CACNA1E: variants seen among roughly 807,000 people sequenced by gnomAD.
The protein encoded by CACNA1E is calcium voltage-gated channel subunit alpha1 E.
Under a neutral mutation model 259.2 loss-of-function variants are expected in CACNA1E, and 40 were observed. The ratio of observed to expected loss-of-function variants is 0.15; its 90% confidence interval spans 0.12 to 0.20. The LOEUF (loss-of-function observed/expected upper bound fraction) is 0.20, where lower values mean the gene tolerates loss of function less well. CACNA1E is among the 10% of genes least tolerant of loss of function. The pLI is 1.00. For synonymous variants in CACNA1E, 1,104 were observed against 1,138.5 expected (o/e 0.97, Z 0.61); for missense variants, 1,874 against 3,040.1 (o/e 0.62, Z 9.02).
At position 181,542,184 on chromosome 1, in the gene CACNA1E, C is replaced by T. The variant is rs61814469; in HGVS notation, c.512+30674C>T. Among the ~76,000 whole-genome samples, 337 of 152,322 alleles carry T rather than the reference C, an allele frequency of 2.2e-3. 1 individual carries two copies. The highest frequency in any genetic ancestry group is 3.9e-3 in the Non-Finnish European group (268 of 68,032). ...ACCCCAGCTGACAGCTTGACTCCAA[C>T]TGTGGTTGGTTTCTTGACTGCAACC... On this transcript the variant is annotated intron_variant, in intron 3 of 47. Transcript: ENST00000367573.
intron 38 of CACNA1E, among the ~76,000 whole-genome samples, chr1:181,777,624 G>C (rs1454747135): frequency 6.6e-6 from 1 of 152,194 alleles, no homozygotes; most frequent in East Asian, 1.9e-4. Flanking sequence ...CGTGTCTTCA[G>C]CTCCATGGCC....
chr1:181,643,820 T>A (rs1377251619), intron 6 of CACNA1E, among the ~76,000 whole-genome samples: 1 of 152,204 alleles, frequency 6.6e-6, no homozygotes. Context: ...GGTGGCTGCA[T>A]CAAGTCCAGA....
chr1:181,445,336 A>G (rs1441980173), intron 2 of CACNA1E, among the ~76,000 whole-genome samples: 1 of 152,246 alleles, frequency 6.6e-6, no homozygotes, highest in Non-Finnish European at 1.5e-5. Flanking sequence ...AGTCAACACT[A>G]TTCCTGAGTG....
At chr1:181,455,549 C>T (rs1374953937) in intron 2 of CACNA1E, among the ~76,000 whole-genome samples, 1 of 152,188 alleles carries the variant, frequency 6.6e-6, no homozygotes, top group Non-Finnish European at 1.5e-5. Context: ...AAAAACTGAT[C>T]TTTGGCTCCT....
At chr1:181,597,181 A>G (rs1653264270) in intron 6 of CACNA1E, among the ~76,000 whole-genome samples, 2 of 152,130 alleles carry the variant, frequency 1.3e-5, no homozygotes, top group African/African-American at 4.8e-5. Flanking sequence ...AATCTCTTTT[A>G]TGAGACCCAC....
chr1:181,577,901 A>G, intron 4 of CACNA1E, 32 bp downstream of exon 4: 1 of 1,439,410 alleles, frequency 6.9e-7, no homozygotes, highest in Non-Finnish European at 9.7e-7. Flanking sequence ...TGCTCTGCTA[A>G]GAACTTTCTT....
chr1:181,539,554 C>T (rs1461230855), intron 3 of CACNA1E, among the ~76,000 whole-genome samples: 1 of 152,120 alleles, frequency 6.6e-6, no homozygotes, highest in Non-Finnish European at 1.5e-5. Context: ...ATATTATTCC[C>T]GGTCTGCTTA....
chr1:181,345,852 A>G (rs1242519101), intron 1 of CACNA1E, among the ~76,000 whole-genome samples: 1 of 152,174 alleles, frequency 6.6e-6, no homozygotes, highest in East Asian at 1.9e-4. Context: ...CTCCAGGATC[A>G]CTGAGTACTG....
chr1:181,745,077 C>T (rs1453330388), intron 25 of CACNA1E, among the ~76,000 whole-genome samples: 1 of 152,094 alleles, frequency 6.6e-6, no homozygotes, highest in Non-Finnish European at 1.5e-5. Flanking sequence ...ATCATAGCTG[C>T]CTTGAAAATG....
chr1:181,783,819 GA>G, intron 40 of CACNA1E, 35 bp downstream of exon 40: 3 of 1,374,266 alleles, frequency 2.2e-6, no homozygotes, highest in Non-Finnish European at 3.1e-6. Context: ...TGGGAAGGAG[GA>G]ATTCTGGAAC....
chr1:181,650,221 T>C (rs898837581), intron 6 of CACNA1E, among the ~76,000 whole-genome samples: 2 of 152,184 alleles, frequency 1.3e-5, no homozygotes, highest in African/African-American at 4.8e-5. Context: ...GGGGAAAAGG[T>C]AAATTGGAGG....
intron 1 of CACNA1E, among the ~76,000 whole-genome samples, chr1:181,335,027 C>A (rs545408295): frequency 4.3e-4 from 65 of 152,292 alleles, no homozygotes; most frequent in African/African-American, 1.5e-3. Flanking sequence ...TCGCCTCTGG[C>A]CCTGTAGACT....
chr1:181,587,806 C>T (rs1652227072), intron 6 of CACNA1E, among the ~76,000 whole-genome samples: 1 of 152,274 alleles, frequency 6.6e-6, no homozygotes, highest in South Asian at 2.1e-4. Context: ...TGGTGTGAAC[C>T]CGGGAGGTGG....
chr1:181,754,669 G>C (rs879087223), intron 27 of CACNA1E, among the ~76,000 whole-genome samples: 1 of 152,208 alleles, frequency 6.6e-6, no homozygotes, highest in Non-Finnish European at 1.5e-5. Context: ...ACCTTCACTA[G>C]AGAACATTTA....
intron 7 of CACNA1E, among the ~76,000 whole-genome samples, chr1:181,702,401 T>A: frequency 6.6e-6 from 1 of 152,150 alleles, no homozygotes; most frequent in East Asian, 1.9e-4. Context: ...ATCTCCCTGC[T>A]TCCACCCTTA....
At chr1:181,542,473 G>T (rs1027198708) in intron 3 of CACNA1E, among the ~76,000 whole-genome samples, 2 of 152,090 alleles carry the variant, frequency 1.3e-5, no homozygotes, top group African/African-American at 2.4e-5. Flanking sequence ...CACATGTCAA[G>T]GGGGAGATCA....
chr1:181,768,334 A>G (rs1271925002), intron 35 of CACNA1E, among the ~76,000 whole-genome samples: 2 of 152,172 alleles, frequency 1.3e-5, no homozygotes, highest in Admixed American at 6.5e-5. Flanking sequence ...AGGGAGTGAA[A>G]GGAAGAGAGA....
At chr1:181,733,358 G>T in intron 20 of CACNA1E, 79 bp from the exon 21 acceptor site, 3 of 1,283,722 alleles carry the variant, frequency 2.3e-6, no homozygotes, top group Non-Finnish European at 3.2e-6. Flanking sequence ...GAGCTTCCCC[G>T]CCTTCCCCTT....
intron 6 of CACNA1E, among the ~76,000 whole-genome samples, chr1:181,648,517 T>A (rs1395178247): frequency 6.6e-6 from 1 of 152,208 alleles, no homozygotes. Context: ...AATGGTGGAA[T>A]AAACAAGGTA....
Sources: allele counts gnomAD v4.1 joint callset (sites outside exome capture counted in the v4.1 genomes callset), GRCh38; gene constraint gnomAD v4.1.1; transcripts MANE v1.5; gene names NCBI Gene and HGNC (gene_info 2026-07-23, HGNC 2026-07-21).